Variants in IL1RAPL1 observed in about 807,000 individuals in gnomAD.
IL1RAPL1 encodes interleukin-1 receptor accessory protein-like 1.
In IL1RAPL1, 3 loss-of-function variants were observed where a neutral mutation model predicts 48.4. The ratio of observed to expected loss-of-function variants is 0.06; its 90% CI spans 0.03 to 0.16. The LOEUF (loss-of-function observed/expected upper bound fraction) is 0.16, where lower values mean the gene tolerates loss of function less well. Among genes scored for constraint, IL1RAPL1 ranks in the 10% least tolerant of loss-of-function variants. The pLI is 1.00. For missense variants in IL1RAPL1, 349 were observed against 530.6 expected (o/e 0.66, Z 3.36); for synonymous variants, 185 against 187.7 (o/e 0.99, Z 0.12).
At chrX:29,729,873 AATAGCT>A (rs1167793284) in intron 6 of IL1RAPL1, among the ~76,000 whole-genome samples, 1 of 111,517 alleles carries the variant, frequency 9.0e-6, no homozygotes, top group Non-Finnish European at 1.9e-5. Flanking sequence ...AGTGGAAAAA[AATAGCT>A]TGGTCATGCT....
intron 5 of IL1RAPL1, among the ~76,000 whole-genome samples, chrX:29,535,785 CA>C (rs1188087602): frequency 1.8e-5 from 2 of 111,738 alleles, no homozygotes; most frequent in African/African-American, 6.5e-5. Flanking sequence ...TATCTTAAAC[CA>C]GGGGGAATTG....
At chrX:29,544,723 ATGTGTGTG>A (rs61595803) in intron 5 of IL1RAPL1, among the ~76,000 whole-genome samples, 4 of 101,954 alleles carry the variant, frequency 3.9e-5, no homozygotes, top group Non-Finnish European at 6.0e-5. Context: ...TGTGGAGATG[ATGTGTGTG>A]TGTGTGTGTG....
At chrX:29,841,716 C>T (rs923924165) in intron 6 of IL1RAPL1, among the ~76,000 whole-genome samples, 4 of 111,245 alleles carry the variant, frequency 3.6e-5, no homozygotes, top group Admixed American at 2.9e-4. Flanking sequence ...TCAGAACAAT[C>T]GAGTGAGGGA....
intron 2 of IL1RAPL1, among the ~76,000 whole-genome samples, chrX:29,267,951 A>C (rs2147588871): frequency 9.0e-6 from 1 of 111,595 alleles, no homozygotes; most frequent in Admixed American, 9.6e-5. Flanking sequence ...TCTTTGCATC[A>C]AATTTTCTCC....
intron 2 of IL1RAPL1, among the ~76,000 whole-genome samples, chrX:29,009,093 G>A (rs971393243): frequency 8.9e-6 from 1 of 112,051 alleles, no homozygotes; most frequent in African/African-American, 3.2e-5. Context: ...AACTAATGCA[G>A]GAACAAAAAA....
chrX:29,121,897 A>G (rs1168976463), intron 2 of IL1RAPL1, among the ~76,000 whole-genome samples: 1 of 112,051 alleles, frequency 8.9e-6, no homozygotes, highest in Non-Finnish European at 1.9e-5. Flanking sequence ...ATGTTATATA[A>G]CACTTGATAT....
intron 3 of IL1RAPL1, among the ~76,000 whole-genome samples, chrX:29,345,983 C>A (rs1933144887): frequency 8.9e-6 from 1 of 112,054 alleles, no homozygotes; most frequent in South Asian, 3.7e-4. Context: ...CTTTCTCTGG[C>A]TTTGAGTTGT....
chrX:29,386,105 C>T (rs1419097828), intron 3 of IL1RAPL1, among the ~76,000 whole-genome samples: 1 of 112,016 alleles, frequency 8.9e-6, no homozygotes, highest in East Asian at 2.8e-4. Context: ...TCTCAGCTCA[C>T]TGCAACCTCC....
intron 2 of IL1RAPL1, among the ~76,000 whole-genome samples, chrX:28,841,321 A>G (rs770680032): frequency 9.0e-6 from 1 of 111,063 alleles, no homozygotes; most frequent in South Asian, 3.7e-4. Context: ...AGAAAAATTC[A>G]ACTCAAAGAC....
At chrX:28,649,604 A>C (rs965175256) in intron 1 of IL1RAPL1, among the ~76,000 whole-genome samples, 1 of 112,358 alleles carries the variant, frequency 8.9e-6, no homozygotes, top group African/African-American at 3.2e-5. Context: ...ATTTGAGAAC[A>C]CTTATTTGCA....
chrX:29,122,515 G>A (rs1375246806), intron 2 of IL1RAPL1, among the ~76,000 whole-genome samples: 4 of 89,986 alleles, frequency 4.4e-5, no homozygotes, highest in South Asian at 6.3e-4. Flanking sequence ...GCTGTAAATC[G>A]GCTATTTTTC....
intron 2 of IL1RAPL1, among the ~76,000 whole-genome samples, chrX:29,134,838 G>C (rs1391447842): frequency 9.0e-6 from 1 of 111,316 alleles, no homozygotes; most frequent in Non-Finnish European, 1.9e-5. Context: ...AATACATAAA[G>C]AATGATATAC....
intron 2 of IL1RAPL1, among the ~76,000 whole-genome samples, chrX:28,795,396 C>T (rs1601906892): frequency 9.0e-6 from 1 of 110,868 alleles, no homozygotes; most frequent in East Asian, 2.9e-4. Flanking sequence ...TATGAATTTC[C>T]CCACAAACTT....
At chrX:29,321,776 A>G (rs1382230964) in intron 3 of IL1RAPL1, among the ~76,000 whole-genome samples, 1 of 111,642 alleles carries the variant, frequency 9.0e-6, no homozygotes, top group Non-Finnish European at 1.9e-5. Context: ...TTCTATGTGC[A>G]TATTTTAGGG....
chrX:28,819,986 A>G (rs1936916348), intron 2 of IL1RAPL1, among the ~76,000 whole-genome samples: 1 of 76,603 alleles, frequency 1.3e-5, no homozygotes, highest in Non-Finnish European at 2.5e-5. Context: ...ATATATATAT[A>G]TATATATATA....
At chrX:29,548,075 T>C (rs1005099169) in intron 5 of IL1RAPL1, among the ~76,000 whole-genome samples, 2 of 112,754 alleles carry the variant, frequency 1.8e-5, no homozygotes, top group African/African-American at 6.4e-5. Context: ...GATACGCTTG[T>C]TCCATTTCAA....
At chrX:28,983,264 T>C (rs1050135532) in intron 2 of IL1RAPL1, among the ~76,000 whole-genome samples, 1 of 111,565 alleles carries the variant, frequency 9.0e-6, no homozygotes, top group East Asian at 2.8e-4. Context: ...ATGTAGGAAA[T>C]TTCTCCATCC....
chrX:28,768,816 G>A (rs1484470492), intron 1 of IL1RAPL1, among the ~76,000 whole-genome samples: 1 of 44,365 alleles, frequency 2.3e-5, no homozygotes, highest in African/African-American at 1.4e-4. Flanking sequence ...TATATATAAT[G>A]TGTGTGTGTA....
At chrX:29,150,510 A>C (rs1929441464) in intron 2 of IL1RAPL1, among the ~76,000 whole-genome samples, 1 of 111,817 alleles carries the variant, frequency 8.9e-6, no homozygotes, top group African/African-American at 3.2e-5. Flanking sequence ...CCATGACCCC[A>C]AAAGCAAATA....
Sources: allele counts gnomAD v4.1 joint callset (sites outside exome capture counted in the v4.1 genomes callset), GRCh38; gene constraint gnomAD v4.1.1; transcripts MANE v1.5; gene names NCBI Gene and HGNC (gene_info 2026-07-23, HGNC 2026-07-21).